Variants in PCDHGB2 observed in about 807,000 individuals in gnomAD.
PCDHGB2 encodes the protein protocadherin gamma subfamily B, 2, also known as protocadherin gamma-B2.
In PCDHGB2, 55 loss-of-function variants were observed where a neutral mutation model predicts 59.3. The observed-to-expected ratio is 0.93, with a 90% CI of 0.75 to 1.16. The LOEUF (loss-of-function observed/expected upper bound fraction) is 1.16. Among genes scored for constraint, PCDHGB2 ranks in the 50% most tolerant of loss-of-function variants. The probability of loss-of-function intolerance (pLI) is 0.00; values close to 1 mark genes in which losing one functional copy is unlikely to be tolerated. For synonymous variants in PCDHGB2, 516 were observed against 512.0 expected (o/e 1.01, Z -0.11); for missense variants, 1,228 against 1,198.5 (o/e 1.02, Z -0.36).
At chr5:141,414,846 G>A in intron 1 of PCDHGB2, 1 of 1,614,218 alleles carries the variant, frequency 6.2e-7, no homozygotes, top group African/African-American at 1.3e-5. Flanking sequence ...TGTTTGTGCT[G>A]GACCAGAACG....
intron 1 of PCDHGB2, chr5:141,366,578 C>T: frequency 6.2e-7 from 1 of 1,614,264 alleles, no homozygotes; most frequent in Non-Finnish European, 8.5e-7. Flanking sequence ...TCGGGCTTTC[C>T]TGCAGACCTA....
intron 1 of PCDHGB2, chr5:141,388,306 A>G (rs1315280677): frequency 6.2e-7 from 1 of 1,613,826 alleles, no homozygotes; most frequent in South Asian, 1.1e-5. Flanking sequence ...TTTGAGCTGC[A>G]AATAAGTGAG....
intron 1 of PCDHGB2, chr5:141,373,798 T>A: frequency 3.2e-6 from 1 of 315,426 alleles, no homozygotes; most frequent in Non-Finnish European, 5.8e-6. Context: ...AATAAAATCC[T>A]CTGTGTGATA....
At chr5:141,423,346 G>T in intron 1 of PCDHGB2, 1 of 1,614,214 alleles carries the variant, frequency 6.2e-7, no homozygotes, top group South Asian at 1.1e-5. Context: ...CATCTTCCTG[G>T]TCTTTGTCAT....
intron 2 of PCDHGB2, among the ~76,000 whole-genome samples, chr5:141,497,050 G>A (rs113054804): frequency 6.6e-5 from 10 of 152,096 alleles, no homozygotes; most frequent in East Asian, 5.8e-4. Context: ...TTAGCCAGGC[G>A]TGGTGGCAGG....
At chr5:141,433,607 G>A (rs1209706866) in intron 1 of PCDHGB2, among the ~76,000 whole-genome samples, 2 of 152,078 alleles carry the variant, frequency 1.3e-5, no homozygotes, top group East Asian at 1.9e-4. Context: ...AGGCCGAGGC[G>A]GGTGGATCAC....
At chr5:141,420,412 T>G in intron 1 of PCDHGB2, 1 of 1,225,004 alleles carries the variant, frequency 8.2e-7, no homozygotes, top group African/African-American at 1.6e-5. Flanking sequence ...TGGTTATCAT[T>G]ATTAAAACAA....
At chr5:141,415,740 G>GTTTTTTTTTTTTTTTTTTTTTTTTTTT (rs57426385) in intron 1 of PCDHGB2, 4 of 625,042 alleles carry the variant, frequency 6.4e-6, no homozygotes, top group Non-Finnish European at 6.4e-6. Flanking sequence ...GTTTATTAAG[G>GTTTTTTTTTTTTTTTTTTTTTTTTTTT]TTTTTTTTTT....
At chr5:141,462,035 C>T (rs35674654) in intron 1 of PCDHGB2, among the ~76,000 whole-genome samples, 14,886 of 152,176 alleles carry the variant, frequency 0.098, 964 homozygotes, top group Non-Finnish European at 0.14. Context: ...GTTGGTCAGG[C>T]GGGTCTTGAA....
At chr5:141,444,873 C>T (rs1298516499) in intron 1 of PCDHGB2, among the ~76,000 whole-genome samples, 1 of 152,080 alleles carries the variant, frequency 6.6e-6, no homozygotes, top group African/African-American at 2.4e-5. Flanking sequence ...CAGGACAAAG[C>T]TTGTAGGATT....
At chr5:141,452,528 A>T (rs1592223895) in intron 1 of PCDHGB2, among the ~76,000 whole-genome samples, 1 of 152,206 alleles carries the variant, frequency 6.6e-6, no homozygotes, top group African/African-American at 2.4e-5. Flanking sequence ...CAAAATCGTG[A>T]GTTCATATTG....
Position 141,477,099 on chromosome 5 carries a change from G to C in PCDHGB2, c.2422-17708G>C. On this transcript the variant is annotated intron_variant, in intron 1 of 3. Transcript: ENST00000522605. This position sits in a 1 kb window ranked among gnomAD's most constrained non-coding sequence, Gnocchi z 4.9. ...ATTTACATCCAGGCCAAAGACAAGG[G>C]CGCCAATCCCGAAGGAGCACATTGC... 6.2e-7 allele frequency: 1 copy of C among 1,614,256 alleles called. No individual in the cohort carries two copies. Among genetic ancestry groups the C allele is most frequent in the Non-Finnish European group, 8.5e-7 (1 of 1,180,054 alleles).
chr5:141,456,026 T>A (rs2098840894), intron 1 of PCDHGB2, among the ~76,000 whole-genome samples: 1 of 151,690 alleles, frequency 6.6e-6, no homozygotes, highest in African/African-American at 2.4e-5. Context: ...GCCTCCCGAG[T>A]AGCTGGGACT....
chr5:141,476,843 G>A lies in PCDHGB2; in HGVS notation c.2422-17964G>A, dbSNP rs2099399765. On this transcript the variant is annotated intron_variant, in intron 1 of 3. Transcript: ENST00000522605. The surrounding 1 kb of genome is among the most constrained non-coding windows in gnomAD (Gnocchi z 7.6). ...GCTGGACGCGAATGACAATGCGCCT[G>A]TCTTCAACCAGTCCTTGTACCGGGC... 1 of 1,613,706 alleles carries A rather than the reference G, an allele frequency of 6.2e-7. No individual in the cohort carries two copies. Among genetic ancestry groups the A allele is most frequent in the Non-Finnish European group, 8.5e-7 (1 of 1,180,046 alleles).
chr5:141,372,305 C>T (rs749468095), intron 1 of PCDHGB2: 5 of 1,613,260 alleles, frequency 3.1e-6, no homozygotes, highest in South Asian at 1.1e-5. Context: ...ACAGGGAGGC[C>T]GCCCGCCAGC....
rs1330257915 is a variant in PCDHGB2 at position 141,486,153 on chromosome 5, C to T, written c.2422-8654C>T. Reference sequence around the variant, plus strand: ...GATGTGCGGGCTCGCGATGGGGGTTCTCCAGCCATGGAGCAACATTGCAGC... The same window carrying T: ...GATGTGCGGGCTCGCGATGGGGGTTTTCCAGCCATGGAGCAACATTGCAGC... On this transcript the variant is annotated intron_variant, in intron 1 of 3. Transcript: ENST00000522605. This position sits in a 1 kb window ranked among gnomAD's most constrained non-coding sequence, Gnocchi z 5.0. 1 of 1,614,084 alleles carries T rather than the reference C, an allele frequency of 6.2e-7. No homozygotes were observed. Among genetic ancestry groups the T allele is most frequent in the Non-Finnish European group, 8.5e-7 (1 of 1,180,036 alleles).
At chr5:141,404,323 C>G (rs777252767) in intron 1 of PCDHGB2, 24 of 1,613,756 alleles carry the variant, frequency 1.5e-5, no homozygotes, top group Non-Finnish European at 2.0e-5. Flanking sequence ...AAGCCTCCTA[C>G]TCAGTCTACC....
intron 1 of PCDHGB2, chr5:141,422,547 G>C: frequency 1.9e-6 from 3 of 1,613,938 alleles, no homozygotes; most frequent in Non-Finnish European, 2.5e-6. Context: ...CTCATGTCTG[G>C]CTGAATGTGG....
chr5:141,484,867 G>C lies in PCDHGB2; in HGVS notation c.2422-9940G>C, dbSNP rs573580017. The C allele has an allele frequency of 1.8e-5, 5 of 282,560 alleles. No homozygotes were observed. The Admixed American group carries it at 1.9e-4, about 11-fold the overall frequency. The allele number at this position is 282,560 out of a possible 1,614,324, so 17.5% of individuals were successfully genotyped here. A position where few individuals can be genotyped will look rare whatever the true frequency, so the allele number is the denominator to read the frequency against. ...TGGGTTTTTTGGGGGGTGGGGGAGC[G>C]TGGAGGATAGGGTGGGCTTTTTCCC... On this transcript the variant is annotated intron_variant, in intron 1 of 3. Coordinates refer to ENST00000522605, the MANE Select transcript of PCDHGB2 (RefSeq NM_018923.3).
Sources: allele counts gnomAD v4.1 joint callset (sites outside exome capture counted in the v4.1 genomes callset), GRCh38; gene constraint gnomAD v4.1.1; non-coding constraint Gnocchi (gnomAD v3.1); transcripts MANE v1.5; gene names NCBI Gene and HGNC (gene_info 2026-07-23, HGNC 2026-07-21).